Variants in ARHGAP24 observed in about 807,000 individuals in gnomAD.
ARHGAP24 encodes the protein Rho GTPase activating protein 24.
A neutral mutation model predicts 76.4 loss-of-function variants in ARHGAP24; 50 were observed. The ratio of observed to expected loss-of-function variants is 0.65; its 90% CI spans 0.52 to 0.83. The LOEUF (loss-of-function observed/expected upper bound fraction) is 0.83. Ranked by LOEUF, ARHGAP24 falls within the 40% of genes least tolerant of loss-of-function variation. The pLI is 0.00. For synonymous variants in ARHGAP24, 345 were observed against 323.3 expected, an observed-to-expected ratio of 1.07 and a Z score of -0.72; for missense variants, 930 against 914.2, an observed-to-expected ratio of 1.02 and a Z score of -0.22.
chr4:85,694,938 A>G (rs942617303), intron 2 of ARHGAP24, among the ~76,000 whole-genome samples: 7 of 152,240 alleles, frequency 4.6e-5, no homozygotes, highest in Non-Finnish European at 1.0e-4. Flanking sequence ...ATTTCACACA[A>G]GATATTAATG....
At chr4:85,640,678 C>A (rs61120164) in intron 2 of ARHGAP24, among the ~76,000 whole-genome samples, 40,239 of 152,032 alleles carry the variant, frequency 0.26, 7,443 homozygotes, top group East Asian at 0.84. Context: ...GATTTATAAT[C>A]TGGTTGTGAC....
intron 3 of ARHGAP24, among the ~76,000 whole-genome samples, chr4:85,785,861 C>T (rs1358366607): frequency 1.3e-5 from 2 of 152,088 alleles, no homozygotes; most frequent in Non-Finnish European, 2.9e-5. Context: ...ATTAATTTTC[C>T]AGAGTGACAC....
chr4:85,599,345 A>G (rs1019646781), intron 2 of ARHGAP24, among the ~76,000 whole-genome samples: 1 of 152,190 alleles, frequency 6.6e-6, no homozygotes, highest in Non-Finnish European at 1.5e-5. Context: ...TGAGATGGAA[A>G]CAGAGCTCAG....
chr4:85,893,698 T>G (rs1733967167), intron 3 of ARHGAP24, among the ~76,000 whole-genome samples: 1 of 142,812 alleles, frequency 7.0e-6, no homozygotes, highest in Non-Finnish European at 1.5e-5. Context: ...CCCCACTCTC[T>G]TCTGGCTTGT....
At chr4:85,635,056 C>G (rs1329656587) in intron 2 of ARHGAP24, among the ~76,000 whole-genome samples, 2 of 151,862 alleles carry the variant, frequency 1.3e-5, no homozygotes, top group Non-Finnish European at 2.9e-5. Context: ...CTATTTATTT[C>G]TGCTACCAAG....
At chr4:85,724,458 T>C (rs1264096942) in intron 3 of ARHGAP24, among the ~76,000 whole-genome samples, 4 of 150,634 alleles carry the variant, frequency 2.7e-5, no homozygotes, top group African/African-American at 9.8e-5. Flanking sequence ...TATCCATATG[T>C]GCACTGTATG....
intron 3 of ARHGAP24, among the ~76,000 whole-genome samples, chr4:85,804,418 T>C (rs1728706610): frequency 6.6e-6 from 1 of 152,196 alleles, no homozygotes; most frequent in Non-Finnish European, 1.5e-5. Flanking sequence ...AATTTAGATA[T>C]AAAATGCTAC....
At chr4:85,907,213 C>G (rs796173282) in intron 3 of ARHGAP24, among the ~76,000 whole-genome samples, 14 of 152,182 alleles carry the variant, frequency 9.2e-5, no homozygotes, top group Admixed American at 2.6e-4. Context: ...TTTCTAGGTT[C>G]CAAGAAAAGG....
At chr4:85,532,932 C>A (rs1307623816) in intron 1 of ARHGAP24, among the ~76,000 whole-genome samples, 1 of 152,206 alleles carries the variant, frequency 6.6e-6, no homozygotes, top group African/African-American at 2.4e-5. Flanking sequence ...AAAGCCAATT[C>A]TGTCAACAAA....
At chr4:85,942,384 C>A in intron 5 of ARHGAP24, 111 bp downstream of exon 5, 1 of 1,303,872 alleles carries the variant, frequency 7.7e-7, no homozygotes, top group Non-Finnish European at 1.1e-6. Context: ...CAGTTTACAA[C>A]ATAGATTATT....
intron 2 of ARHGAP24, among the ~76,000 whole-genome samples, chr4:85,621,389 T>C (rs1307584233): frequency 6.6e-6 from 1 of 152,118 alleles, no homozygotes; most frequent in East Asian, 1.9e-4. Flanking sequence ...CCACCAATAG[T>C]GTATAAATGT....
At chr4:85,640,205 A>C (rs1286465742) in intron 2 of ARHGAP24, among the ~76,000 whole-genome samples, 1 of 152,174 alleles carries the variant, frequency 6.6e-6, no homozygotes, top group East Asian at 1.9e-4. Flanking sequence ...ACAGCTATTA[A>C]TAGGAGAGTC....
chr4:85,779,974 AT>A (rs1399103724), intron 3 of ARHGAP24, among the ~76,000 whole-genome samples: 2 of 152,206 alleles, frequency 1.3e-5, no homozygotes, highest in African/African-American at 2.4e-5. Flanking sequence ...CTTGTGGATC[AT>A]TCTCTTCATG....
At chr4:85,849,268 G>A (rs1731076992) in intron 3 of ARHGAP24, among the ~76,000 whole-genome samples, 1 of 150,270 alleles carries the variant, frequency 6.7e-6, no homozygotes. Flanking sequence ...TGGTGTATAA[G>A]AATGCTTGTG....
intron 3 of ARHGAP24, among the ~76,000 whole-genome samples, chr4:85,856,978 A>G (rs1220423056): frequency 6.6e-6 from 1 of 152,168 alleles, no homozygotes; most frequent in East Asian, 1.9e-4. Context: ...GTGAATGTAG[A>G]TACATCAAAA....
intron 2 of ARHGAP24, among the ~76,000 whole-genome samples, chr4:85,655,783 A>G (rs1722121527): frequency 1.4e-5 from 1 of 70,368 alleles, no homozygotes; most frequent in Non-Finnish European, 2.6e-5. Context: ...ATATATATAT[A>G]TATATATATA....
chr4:85,489,700 GA>G (rs1047028179), intron 1 of ARHGAP24, among the ~76,000 whole-genome samples: 2 of 152,174 alleles, frequency 1.3e-5, no homozygotes, highest in African/African-American at 4.8e-5. Context: ...TAGCTCAAAA[GA>G]AAGAATACTA....
chr4:85,774,670 G>A (rs1346945055), intron 3 of ARHGAP24, among the ~76,000 whole-genome samples: 6 of 152,088 alleles, frequency 3.9e-5, no homozygotes, highest in Non-Finnish European at 1.5e-5. Flanking sequence ...AATACAATTC[G>A]AAAGGTTACA....
At chr4:85,992,812 C>CT in intron 8 of ARHGAP24, among the ~76,000 whole-genome samples, 1 of 150,374 alleles carries the variant, frequency 6.7e-6, no homozygotes, top group Non-Finnish European at 1.5e-5. Context: ...ATTACATTGT[C>CT]TTTTTTCACA....
Sources: allele counts gnomAD v4.1 joint callset (sites outside exome capture counted in the v4.1 genomes callset), GRCh38; gene constraint gnomAD v4.1.1; transcripts MANE v1.5; gene names NCBI Gene and HGNC (gene_info 2026-07-23, HGNC 2026-07-21).